TCF12: variants seen among roughly 807,000 people sequenced by gnomAD.
The protein encoded by TCF12 is DNA-binding protein HTF4.
TCF12 carries 45 observed loss-of-function variants against 86.0 expected under a neutral mutation model. The observed-to-expected ratio is 0.52, with a 90% confidence interval of 0.41 to 0.67. The LOEUF (loss-of-function observed/expected upper bound fraction) is 0.67, where lower values mean the gene tolerates loss of function less well. Among genes scored for constraint, TCF12 ranks in the 30% least tolerant of loss-of-function variants. The pLI is 0.00. For synonymous variants in TCF12, 330 were observed against 299.6 expected (o/e 1.10, Z -1.05); for missense variants, 881 against 859.9 (o/e 1.02, Z -0.31).
chr15:57,233,613 G>T (rs1419401913), intron 11 of TCF12, among the ~76,000 whole-genome samples: 1 of 152,078 alleles, frequency 6.6e-6, no homozygotes, highest in Non-Finnish European at 1.5e-5. Context: ...AAGTAGCTGG[G>T]ACTACAGGCA....
At chr15:57,258,346 T>G (rs1296971528) in intron 16 of TCF12, among the ~76,000 whole-genome samples, 1 of 152,194 alleles carries the variant, frequency 6.6e-6, no homozygotes, top group Non-Finnish European at 1.5e-5. Flanking sequence ...CAATATAAAG[T>G]TAGCGACATC....
At chr15:57,025,554 A>G (rs1461844846) in intron 3 of TCF12, among the ~76,000 whole-genome samples, 2 of 152,150 alleles carry the variant, frequency 1.3e-5, no homozygotes, top group African/African-American at 2.4e-5. Flanking sequence ...AAATGACACA[A>G]TGGGATGGAA....
chr15:57,071,953 G>A (rs565042158), intron 4 of TCF12, among the ~76,000 whole-genome samples: 6 of 152,286 alleles, frequency 3.9e-5, no homozygotes, highest in South Asian at 4.2e-4. Context: ...AAAATAGTAC[G>A]AGATAAGGCA....
chr15:57,184,128 G>A (rs906502527), intron 6 of TCF12, among the ~76,000 whole-genome samples: 8 of 151,634 alleles, frequency 5.3e-5, no homozygotes, highest in South Asian at 2.1e-4. Flanking sequence ...TCCCTCTGAC[G>A]TATTAGATTA....
chr15:57,266,906 G>A (rs8039937), intron 18 of TCF12, among the ~76,000 whole-genome samples: 3 of 152,168 alleles, frequency 2.0e-5, no homozygotes, highest in African/African-American at 4.8e-5. Context: ...GCAAACACCC[G>A]TAGTCCCAGC....
intron 3 of TCF12, among the ~76,000 whole-genome samples, chr15:56,947,060 A>C (rs188229884): frequency 3.3e-5 from 5 of 152,230 alleles, no homozygotes; most frequent in Non-Finnish European, 4.4e-5. Flanking sequence ...GGCTTCGCAA[A>C]TTGCTAGGAT....
chr15:57,007,852 CCCTTCCTTCCTTCCTT>C (rs60825721), intron 3 of TCF12, among the ~76,000 whole-genome samples: 25,759 of 101,066 alleles, frequency 0.25, 3,717 homozygotes, highest in Non-Finnish European at 0.3. Context: ...CTCTTTCCCT[CCCTTCCTTCCTTCCTT>C]CCTTCCTTCC....
intron 5 of TCF12, among the ~76,000 whole-genome samples, chr15:57,106,316 G>A (rs538801714): frequency 7.4e-5 from 5 of 67,740 alleles, no homozygotes; most frequent in East Asian, 5.4e-4. Context: ...CAAAAGTAGC[G>A]TGGTTACGTA....
chr15:57,197,342 A>G (rs566810309), intron 7 of TCF12, among the ~76,000 whole-genome samples: 1 of 151,784 alleles, frequency 6.6e-6, no homozygotes, highest in African/African-American at 2.4e-5. Context: ...TATTTTTAGT[A>G]GAGATGGGTT....
intron 7 of TCF12, among the ~76,000 whole-genome samples, chr15:57,192,850 C>T (rs1407765967): frequency 6.6e-6 from 1 of 152,066 alleles, no homozygotes; most frequent in Non-Finnish European, 1.5e-5. Flanking sequence ...AAAGGTTTGG[C>T]CATGAATAAT....
At chr15:57,044,210 A>G (rs559457947) in intron 3 of TCF12, among the ~76,000 whole-genome samples, 50 of 152,232 alleles carry the variant, frequency 3.3e-4, no homozygotes, top group Non-Finnish European at 5.6e-4. Flanking sequence ...TTATATGATA[A>G]TGAGCCACAT....
intron 5 of TCF12, among the ~76,000 whole-genome samples, chr15:57,106,802 A>G (rs1182610104): frequency 1.3e-5 from 2 of 152,254 alleles, no homozygotes; most frequent in Non-Finnish European, 2.9e-5. Flanking sequence ...TAATAAGCCT[A>G]TGAAGAAATG....
intron 19 of TCF12, chr15:57,278,704 C>A: frequency 7.2e-6 from 1 of 138,098 alleles, no homozygotes; most frequent in East Asian, 2.2e-4. Flanking sequence ...CTCTCTCTCC[C>A]TCCCTCCCTC....
At chr15:56,927,942 TG>T (rs1245828097) in intron 3 of TCF12, among the ~76,000 whole-genome samples, 1 of 152,208 alleles carries the variant, frequency 6.6e-6, no homozygotes, top group African/African-American at 2.4e-5. Context: ...ACAAATGTGT[TG>T]TGTGGTGACT....
chr15:57,196,409 A>G (rs1465420606), intron 7 of TCF12, among the ~76,000 whole-genome samples: 3 of 152,226 alleles, frequency 2.0e-5, no homozygotes, highest in Non-Finnish European at 4.4e-5. Context: ...TTGTATCCTC[A>G]GGGATCGTGG....
intron 5 of TCF12, among the ~76,000 whole-genome samples, chr15:57,161,975 A>G (rs2054535484): frequency 6.6e-6 from 1 of 152,180 alleles, no homozygotes; most frequent in Non-Finnish European, 1.5e-5. Flanking sequence ...TTGTACATTT[A>G]TAATCGTGAT....
chr15:56,981,725 C>T (rs1460333689), intron 3 of TCF12, among the ~76,000 whole-genome samples: 5 of 152,150 alleles, frequency 3.3e-5, no homozygotes, highest in Non-Finnish European at 7.3e-5. Context: ...TTACTGATAA[C>T]ATAAACAATT....
intron 8 of TCF12, among the ~76,000 whole-genome samples, chr15:57,200,039 G>A (rs919330993): frequency 6.9e-6 from 1 of 145,092 alleles, no homozygotes; most frequent in Non-Finnish European, 1.5e-5. Flanking sequence ...AGGCCACCAC[G>A]GCTGGCTTTT....
intron 3 of TCF12, among the ~76,000 whole-genome samples, chr15:57,053,212 A>T (rs1236803178): frequency 2.6e-5 from 4 of 152,138 alleles, no homozygotes; most frequent in African/African-American, 4.8e-5. Flanking sequence ...TATTTTCCTG[A>T]TATGTATGAT....
Sources: allele counts gnomAD v4.1 joint callset (sites outside exome capture counted in the v4.1 genomes callset), GRCh38; gene constraint gnomAD v4.1.1; transcripts MANE v1.5; gene names NCBI Gene and HGNC (gene_info 2026-07-23, HGNC 2026-07-21).